Variants in POLI observed in about 807,000 individuals in gnomAD.
POLI encodes the protein RAD30 homolog B.
Under a neutral mutation model 51.6 loss-of-function variants are expected in POLI, and 58 were observed. The ratio of observed to expected loss-of-function variants is 1.12; its 90% CI spans 0.91 to 1.40. The LOEUF (loss-of-function observed/expected upper bound fraction) is 1.40, where lower values mean the gene tolerates loss of function less well. POLI is among the 40% of genes most tolerant of loss of function. POLI has a pLI of 0.00. For missense variants in POLI, 921 were observed against 871.3 expected (o/e 1.06, Z -0.72); for synonymous variants, 322 against 299.7 (o/e 1.07, Z -0.77).
chr18:54,282,410 A>G (rs1200713190), intron 5 of POLI, among the ~76,000 whole-genome samples: 4 of 152,154 alleles, frequency 2.6e-5, no homozygotes, highest in Non-Finnish European at 5.9e-5. Context: ...AAAATACAGT[A>G]GTCCCCCATT....
Position 54,294,556 on chromosome 18 carries a change from T to C in POLI, c.*89T>C. On this transcript the variant is annotated 3_prime_UTR_variant, in exon 10 of 10. Coordinates refer to ENST00000579534, the MANE Select transcript of POLI (RefSeq NM_007195.3). ...TAAGCTCTTCTATATTAAACACTAA[T>C]AGATATTCAATAACGGAGTAAACTG... The C allele has an allele frequency of 4.2e-6, 6 of 1,424,806 alleles. No homozygotes were observed. The highest frequency in any genetic ancestry group is 1.4e-5 in the African/African-American group (1 of 69,820). 88.3% of individuals were successfully genotyped at this position (1,424,806 alleles called of 1,614,324 possible). A position where few individuals can be genotyped will look rare whatever the true frequency, so the allele number is the denominator to read the frequency against.
At chr18:54,313,914 C>T (rs1319618805) in intron 3 of POLI, among the ~76,000 whole-genome samples, 1 of 152,100 alleles carries the variant, frequency 6.6e-6, no homozygotes, top group Non-Finnish European at 1.5e-5. Flanking sequence ...AGTTTGACTT[C>T]CTCTCTGGCT....
At chr18:54,273,846 CAAATG>C in intron 2 of POLI, 75 bp from the exon 3 acceptor site, 1 of 751,528 alleles carries the variant, frequency 1.3e-6, no homozygotes, top group Non-Finnish European at 1.9e-6. Context: ...ACAATTTAGA[CAAATG>C]TAATACGGAA....
chr18:54,280,792 CTG>C lies in POLI; in HGVS notation c.687_688del (p.Leu230GlyfsTer9), dbSNP rs758408957. 1 of 1,613,638 alleles carries C rather than the reference CTG, an allele frequency of 6.2e-7. No individual in the cohort carries two copies. Among genetic ancestry groups the C allele is most frequent in the Non-Finnish European group, 8.5e-7 (1 of 1,179,620 alleles). On this transcript the variant is annotated frameshift_variant, in exon 5 of 10. Transcript: ENST00000579534. LOFTEE classifies it high-confidence loss of function. ...CTGTGCTGGAGTGGCTTCTAATAAACTGTTGGCAAAATTAGTTTCTGGTGTCT... is the reference window on the plus strand; with the variant it reads ...CTGTGCTGGAGTGGCTTCTAATAAACTTGGCAAAATTAGTTTCTGGTGTCT... ...TGCAGVASNKLLAKLVSGVFK... is the reference protein window; with the variant it reads ...TGCAGVASNKXLAKLVSGVFK...
downstream of POLI, among the ~76,000 whole-genome samples, chr18:54,303,031 C>G (rs2088518489): frequency 6.6e-6 from 1 of 152,200 alleles, no homozygotes; most frequent in African/African-American, 2.4e-5. Flanking sequence ...GGGTTATCAG[C>G]TTGTGGATGT....
chr18:54,292,048 C>T lies in POLI; in HGVS notation c.1404+10C>T. The T allele has an allele frequency of 7.3e-7, 1 of 1,362,610 alleles. No homozygotes were observed. The highest frequency in any genetic ancestry group is 1.0e-6 in the Non-Finnish European group (1 of 982,272). 84.4% of individuals were successfully genotyped at this position (1,362,610 alleles called of 1,614,324 possible). ...TGGCAAGCACAGTTTTGTAAGTACA[C>T]TCTTTTTTGTTCAGTTTTCTAAGTA... is the stretch of plus-strand genomic sequence containing the variant. On this transcript the variant is annotated intron_variant, in intron 9 of 9. Transcript: ENST00000579534.
rs577660459 is a variant in POLI, at chr18:54,296,921, G to T, written c.*2454G>T. ...TAAGTCTTTATAAGTCTACATTTAA[G>T]GTTATTATTGCATATCATTGTGACT... On this transcript the variant is annotated 3_prime_UTR_variant, in exon 10 of 10. Transcript: ENST00000579534. 189 of 963,550 alleles carry T rather than the reference G, an allele frequency of 2.0e-4. 1 individual carries two copies. In the African/African-American group the frequency reaches 3.2e-3, roughly 16 times the overall value. 59.7% of individuals were successfully genotyped at this position (963,550 alleles called of 1,614,324 possible).
chr18:54,302,313 T>A (rs2088506387), downstream of POLI, among the ~76,000 whole-genome samples: 1 of 152,214 alleles, frequency 6.6e-6, no homozygotes, highest in Non-Finnish European at 1.5e-5. Flanking sequence ...CTTAGTATAC[T>A]TCCTAGATTC....
intron 3 of POLI, among the ~76,000 whole-genome samples, chr18:54,277,360 C>T (rs1480324965): frequency 6.6e-6 from 1 of 152,090 alleles, no homozygotes; most frequent in East Asian, 1.9e-4. Flanking sequence ...ATAGTTTATT[C>T]TTTGACACAT....
At chr18:54,301,032 C>G (rs1050081431), downstream of POLI, among the ~76,000 whole-genome samples, 1 of 152,184 alleles carries the variant, frequency 6.6e-6, no homozygotes, top group African/African-American at 2.4e-5. Context: ...GTAATCCCAA[C>G]ACTTTGGGAG....
chr18:54,273,416 A>G (rs1013924044), intron 2 of POLI, among the ~76,000 whole-genome samples: 2 of 145,764 alleles, frequency 1.4e-5, no homozygotes, highest in African/African-American at 2.6e-5. Flanking sequence ...AACATGCCCT[A>G]TTATATGGCA....
At chr18:54,279,155 C>T (rs899281918) in intron 4 of POLI, among the ~76,000 whole-genome samples, 1 of 151,796 alleles carries the variant, frequency 6.6e-6, no homozygotes, top group Non-Finnish European at 1.5e-5. Flanking sequence ...TTAATTCTTC[C>T]TCTTTCATAC....
intron 9 of POLI, among the ~76,000 whole-genome samples, chr18:54,293,105 G>A (rs543920): frequency 0.25 from 38,424 of 151,716 alleles, 5,088 homozygotes; most frequent in Middle Eastern, 0.3. Flanking sequence ...ATGAAAAACT[G>A]TATAGAAAAA....
chr18:54,280,190 G>T (rs559539075), intron 4 of POLI, among the ~76,000 whole-genome samples: 1 of 152,158 alleles, frequency 6.6e-6, no homozygotes, highest in Non-Finnish European at 1.5e-5. Context: ...AAGAAAAAAA[G>T]GTTTATTTGG....
intron 3 of POLI, among the ~76,000 whole-genome samples, chr18:54,316,668 T>C (rs2088737575): frequency 6.6e-6 from 1 of 152,118 alleles, no homozygotes; most frequent in Non-Finnish European, 1.5e-5. Context: ...TTTTGGGCAG[T>C]AGAGGGCTCA....
chr18:54,277,798 C>T lies in POLI; in HGVS notation c.502C>T (p.Leu168=), dbSNP rs146652056. 2 of 1,612,734 alleles carry T rather than the reference C, an allele frequency of 1.2e-6. No homozygotes were observed. Among genetic ancestry groups the T allele is most frequent in the African/African-American group, 2.7e-5 (2 of 74,902 alleles). The change falls in exon 4 of 10, where the codon CTG becomes TTG. Residue 168 remains leucine (L), a synonymous_variant. Transcript: ENST00000579534. ...TEMVEKRLQQ[L]QSDELSAVTV... is the part of the protein sequence containing the mutation. ...AATGGTTGAGAAGAGACTACAGCAG[C>T]TGCAAAGTGATGAACTTTCTGCGGT...
At chr18:54,320,931 C>T (rs1599289790) in intron 4 of POLI, 3 of 152,156 alleles carry the variant, frequency 2.0e-5, no homozygotes, top group Non-Finnish European at 1.5e-5. Flanking sequence ...TAATATCTTG[C>T]ATACCTACAG....
chr18:54,285,879 T>C (rs1173320939), intron 7 of POLI, among the ~76,000 whole-genome samples: 2 of 152,274 alleles, frequency 1.3e-5, no homozygotes, highest in Admixed American at 1.3e-4. Context: ...ATTTAATTTT[T>C]TATGTTTTTG....
chr18:54,294,508 T>G lies in POLI; in HGVS notation c.*41T>G. The G allele has an allele frequency of 6.5e-7, 1 of 1,529,070 alleles. No individual in the cohort carries two copies. The highest frequency in any genetic ancestry group is 8.7e-7 in the Non-Finnish European group (1 of 1,144,572). The allele number at this position is 1,529,070 out of a possible 1,614,324, so 94.7% of individuals were successfully genotyped here. ...AGGTCTGAAAAGCAAGGGAATACCA[T>G]TATTTTCGGATTAGCGGTTTATTAA... On this transcript the variant is annotated 3_prime_UTR_variant, in exon 10 of 10. Transcript: ENST00000579534.
Sources: allele counts gnomAD v4.1 joint callset (sites outside exome capture counted in the v4.1 genomes callset), GRCh38; gene constraint gnomAD v4.1.1; transcripts MANE v1.5; gene names NCBI Gene and HGNC (gene_info 2026-07-23, HGNC 2026-07-21).